The following CSMD1 variants were observed in gnomAD, a reference collection of about 807,000 sequenced individuals.
The protein encoded by CSMD1 is CUB and Sushi multiple domains 1.
Under a neutral mutation model 417.5 loss-of-function variants are expected in CSMD1, and 213 were observed. That is an observed-to-expected ratio of 0.51 (90% CI 0.46 to 0.57). The LOEUF is 0.57. Ranked by LOEUF, CSMD1 falls within the 20% of genes least tolerant of loss-of-function variation. The probability of loss-of-function intolerance (pLI) is 0.00; values close to 1 mark genes in which losing one functional copy is unlikely to be tolerated. For missense variants in CSMD1, 6,923 were observed against 4,529.7 expected (o/e 1.53, Z -15.17); for synonymous variants, 2,862 against 1,736.8 (o/e 1.65, Z -16.11).
At chr8:3,617,087 T>C (rs1258128682) in intron 7 of CSMD1, among the ~76,000 whole-genome samples, 2 of 152,194 alleles carry the variant, frequency 1.3e-5, no homozygotes, top group Non-Finnish European at 2.9e-5. Context: ...ATTACTTTTA[T>C]GCCAGGTCAC....
chr8:3,842,738 G>T (rs967251982), intron 5 of CSMD1, among the ~76,000 whole-genome samples: 2 of 151,776 alleles, frequency 1.3e-5, no homozygotes, highest in African/African-American at 4.8e-5. Context: ...GATTAAAATT[G>T]GGAAACAGAA....
At chr8:4,034,799 C>A (rs929113876) in intron 3 of CSMD1, among the ~76,000 whole-genome samples, 21 of 152,110 alleles carry the variant, frequency 1.4e-4, no homozygotes, top group African/African-American at 4.6e-4. Context: ...ACTGCTAATT[C>A]TTCTTAGAAG....
chr8:4,580,165 C>T (rs1799343959), intron 2 of CSMD1, among the ~76,000 whole-genome samples: 1 of 152,186 alleles, frequency 6.6e-6, no homozygotes, highest in Non-Finnish European at 1.5e-5. Flanking sequence ...GCACTGCTTT[C>T]AACTGTTATG....
intron 7 of CSMD1, among the ~76,000 whole-genome samples, chr8:3,664,278 G>A (rs62474688): frequency 0.15 from 23,145 of 152,140 alleles, 2,261 homozygotes; most frequent in East Asian, 0.33. Flanking sequence ...GAGAGAACAT[G>A]CGGTGTTTGG....
chr8:3,944,295 T>A (rs187862431), intron 5 of CSMD1, among the ~76,000 whole-genome samples: 2 of 152,118 alleles, frequency 1.3e-5, no homozygotes, highest in Non-Finnish European at 2.9e-5. Flanking sequence ...ACCTGTCAGT[T>A]TGAGCCCCGG....
At chr8:4,041,314 G>T (rs1167010525) in intron 3 of CSMD1, among the ~76,000 whole-genome samples, 3 of 152,120 alleles carry the variant, frequency 2.0e-5, no homozygotes, top group Non-Finnish European at 4.4e-5. Context: ...ACCGCGCCTG[G>T]CCGGGCCTTT....
intron 2 of CSMD1, among the ~76,000 whole-genome samples, chr8:4,488,723 C>T (rs1163933380): frequency 2.6e-5 from 4 of 152,026 alleles, no homozygotes; most frequent in African/African-American, 9.7e-5. Context: ...CATCTGTCAG[C>T]ATCCCCAGCA....
At chr8:3,996,673 A>C (rs1483879545) in intron 5 of CSMD1, among the ~76,000 whole-genome samples, 1 of 152,198 alleles carries the variant, frequency 6.6e-6, no homozygotes, top group Non-Finnish European at 1.5e-5. Flanking sequence ...GGTCCTGGCT[A>C]ATCTAAAAGT....
intron 5 of CSMD1, among the ~76,000 whole-genome samples, chr8:3,991,557 G>A (rs1265314677): frequency 6.6e-6 from 1 of 152,158 alleles, no homozygotes; most frequent in Non-Finnish European, 1.5e-5. Context: ...AGTGAATAAT[G>A]CTGGAAAGAA....
chr8:3,728,701 G>A (rs953272721), intron 6 of CSMD1, among the ~76,000 whole-genome samples: 26 of 151,938 alleles, frequency 1.7e-4, no homozygotes, highest in African/African-American at 5.3e-4. Flanking sequence ...TTGTAATCTT[G>A]CAAATGATGC....
At chr8:3,789,943 G>A (rs1396491895) in intron 5 of CSMD1, among the ~76,000 whole-genome samples, 1 of 152,036 alleles carries the variant, frequency 6.6e-6, no homozygotes, top group Non-Finnish European at 1.5e-5. Context: ...ATGTTAGCCA[G>A]GATGGTCTCG....
chr8:4,201,868 C>T (rs924537191), intron 3 of CSMD1, among the ~76,000 whole-genome samples: 1 of 120,144 alleles, frequency 8.3e-6, no homozygotes, highest in Non-Finnish European at 1.7e-5. Context: ...ACAGTGATGA[C>T]CATTATACAT....
At chr8:4,747,636 A>G (rs1191300511) in intron 1 of CSMD1, among the ~76,000 whole-genome samples, 1 of 152,136 alleles carries the variant, frequency 6.6e-6, no homozygotes, top group Non-Finnish European at 1.5e-5. Context: ...ATCATTATCA[A>G]CCTTCTGCTT....
chr8:3,652,649 C>T (rs192250442), intron 7 of CSMD1, among the ~76,000 whole-genome samples: 291 of 152,224 alleles, frequency 1.9e-3, no homozygotes, highest in African/African-American at 6.7e-3. Context: ...CATCAGATCT[C>T]GTGAGACTTA....
In CSMD1 at chr8:4,287,118, T is replaced by A. The variant is rs191764728; in HGVS notation, c.415+132835A>T. ...CTACTTCACACAAAACAAACAAGGG[T>A]TCTTCAACACCTAGTCTGTTAATGT... On this transcript the variant is annotated intron_variant, in intron 3 of 69. Transcript: ENST00000635120. Among the ~76,000 whole-genome samples, 3 of 152,244 alleles carry A rather than the reference T, an allele frequency of 2.0e-5. No homozygotes were observed. The East Asian group carries it at 5.8e-4, about 29-fold the overall frequency.
At chr8:4,188,669 T>C (rs781721649) in intron 3 of CSMD1, among the ~76,000 whole-genome samples, 1 of 152,076 alleles carries the variant, frequency 6.6e-6, no homozygotes, top group Non-Finnish European at 1.5e-5. Flanking sequence ...CATAAAACAG[T>C]CTAGTCTTTT....
chr8:4,145,150 T>C (rs1041530338), intron 3 of CSMD1, among the ~76,000 whole-genome samples: 2 of 151,178 alleles, frequency 1.3e-5, no homozygotes, highest in Non-Finnish European at 1.5e-5. Context: ...ACACATGTAA[T>C]AAAAGGCACG....
intron 7 of CSMD1, among the ~76,000 whole-genome samples, chr8:3,657,800 A>C (rs1798206223): frequency 6.6e-6 from 1 of 152,158 alleles, no homozygotes; most frequent in Admixed American, 6.5e-5. Flanking sequence ...ACTATGTAAC[A>C]AACATGCACA....
Position 2,998,118 on chromosome 8 carries a change from T to C in CSMD1, c.8270A>G (p.Asn2757Ser), listed in dbSNP as rs896954822. ...GFTNGSEFNL[N>S]DVVNFTCNTG... ...GTTGCAGGTGAAATTCACGACATCATTCAGGTTGAACTCACTGCCATTAGT... is the reference window on the plus strand; with the variant it reads ...GTTGCAGGTGAAATTCACGACATCACTCAGGTTGAACTCACTGCCATTAGT... Residue 2757 changes from asparagine to serine, a missense_variant, in exon 54 of 70, where the codon AAT becomes AGT. Coordinates refer to ENST00000635120, the MANE Select transcript of CSMD1 (RefSeq NM_033225.6). 1 of 1,614,016 alleles carries C rather than the reference T, an allele frequency of 6.2e-7. No homozygotes were observed. The highest frequency in any genetic ancestry group is 1.3e-5 in the African/African-American group (1 of 75,046).
Sources: gnomAD v4.1 joint callset for allele counts (sites outside exome capture counted in the v4.1 genomes callset) on GRCh38, gnomAD v4.1.1 for gene constraint, MANE v1.5 for transcripts, NCBI Gene and HGNC (gene_info 2026-07-23, HGNC 2026-07-21) for gene names.